The following TASP1 variants were observed in gnomAD, a reference collection of about 807,000 sequenced individuals.
TASP1 encodes the protein taspase 1.
TASP1 carries 16 observed loss-of-function variants against 56.6 expected under a neutral mutation model. The observed-to-expected ratio is 0.28, with a 90% CI of 0.19 to 0.43. TASP1 has a LOEUF of 0.43. Ranked by LOEUF, TASP1 falls within the 20% of genes least tolerant of loss-of-function variation. TASP1 has a pLI of 1.00. For synonymous variants in TASP1, 179 were observed against 184.2 expected (o/e 0.97, Z 0.23); for missense variants, 393 against 511.6 (o/e 0.77, Z 2.24).
chr20:13,621,152 G>A (rs1413769667), intron 4 of TASP1, among the ~76,000 whole-genome samples: 3 of 152,080 alleles, frequency 2.0e-5, no homozygotes, highest in Non-Finnish European at 2.9e-5. Context: ...GGCCAGGCAC[G>A]GTGGCTCATG....
the TASP1 span, among the ~76,000 whole-genome samples, chr20:13,221,023 C>G: frequency 6.6e-6 from 1 of 152,126 alleles, no homozygotes; most frequent in Admixed American, 6.5e-5. Context: ...ACCGCCAAAC[C>G]GTGACAACCT....
intron 12 of TASP1, among the ~76,000 whole-genome samples, chr20:13,421,222 C>A (rs6042086): frequency 6.6e-6 from 1 of 150,504 alleles, no homozygotes. Context: ...AAGCGATTCT[C>A]GATTCTCCTG....
At chr20:13,534,824 G>A (rs2045353644) in intron 8 of TASP1, among the ~76,000 whole-genome samples, 1 of 152,140 alleles carries the variant, frequency 6.6e-6, no homozygotes, top group African/African-American at 2.4e-5. Flanking sequence ...TACTGACTAT[G>A]AGCCGCTGTC....
At chr20:13,430,239 C>G (rs1219066825) in intron 12 of TASP1, among the ~76,000 whole-genome samples, 1 of 152,208 alleles carries the variant, frequency 6.6e-6, no homozygotes, top group Non-Finnish European at 1.5e-5. Context: ...TATTAGTTAT[C>G]TACTGCTACG....
At chr20:13,471,073 T>C (rs1363898058) in intron 11 of TASP1, among the ~76,000 whole-genome samples, 1 of 152,206 alleles carries the variant, frequency 6.6e-6, no homozygotes, top group Non-Finnish European at 1.5e-5. Flanking sequence ...CTAGAGTTTA[T>C]GCCCTGCTTA....
In TASP1 at chr20:13,519,323, T is replaced by A. The variant is rs1431518090; in HGVS notation, c.874+9110A>T. On this transcript the variant is annotated intron_variant, in intron 10 of 13. Coordinates refer to ENST00000337743, the MANE Select transcript of TASP1 (RefSeq NM_017714.3). Reference sequence around the variant, plus strand: ...AAACCTGCAAATGTACCCATGAATCTACAGTAAAAGTTGAAATTAAAAGAA... The same window carrying A: ...AAACCTGCAAATGTACCCATGAATCAACAGTAAAAGTTGAAATTAAAAGAA... 5.3e-5 allele frequency among the ~76,000 whole-genome samples: 8 copies of A among 152,166 alleles called. No individual in the cohort carries two copies. In the South Asian group the frequency reaches 1.7e-3, roughly 32 times the overall value.
At chr20:13,280,400 C>CT in the TASP1 span, among the ~76,000 whole-genome samples, 34 of 147,718 alleles carry the variant, frequency 2.3e-4, no homozygotes, top group Admixed American at 2.2e-3. Context: ...AACCCCCCCC[C>CT]CCCAATACAT....
At chr20:13,168,571 C>T in the TASP1 span, 1 of 152,194 alleles carries the variant, frequency 6.6e-6, no homozygotes, top group East Asian at 1.9e-4. Context: ...AACAGCTCTT[C>T]AGTAGGGTAA....
chr20:13,359,806 T>C, the TASP1 span, among the ~76,000 whole-genome samples: 172 of 151,820 alleles, frequency 1.1e-3, no homozygotes, highest in African/African-American at 1.5e-3. Flanking sequence ...TTCTTCCCAA[T>C]CCAAAGCCTC....
At chr20:13,626,196 G>A (rs367782348) in intron 2 of TASP1, among the ~76,000 whole-genome samples, 22 of 152,186 alleles carry the variant, frequency 1.4e-4, no homozygotes, top group African/African-American at 4.6e-4. Context: ...AGGCTGAGGC[G>A]GGAGGATCAC....
At chr20:13,457,489 T>TTA (rs2043887848) in intron 11 of TASP1, among the ~76,000 whole-genome samples, 1 of 152,252 alleles carries the variant, frequency 6.6e-6, no homozygotes, top group Non-Finnish European at 1.5e-5. Context: ...TATTGTAGTA[T>TTA]ACTTAAAGGA....
At chr20:13,325,858 G>T in the TASP1 span, among the ~76,000 whole-genome samples, 1 of 152,050 alleles carries the variant, frequency 6.6e-6, no homozygotes, top group African/African-American at 2.4e-5. Context: ...TTTAATCCCA[G>T]CATTTCAAAA....
intron 6 of TASP1, among the ~76,000 whole-genome samples, chr20:13,577,489 C>T (rs6109958): frequency 0.33 from 50,424 of 151,942 alleles, 8,953 homozygotes; most frequent in Non-Finnish European, 0.39. Flanking sequence ...TGTTGAAACC[C>T]TAGCCCTCAG....
intron 10 of TASP1, among the ~76,000 whole-genome samples, chr20:13,499,463 TAA>T (rs61471647): frequency 7.0e-6 from 1 of 142,620 alleles, no homozygotes; most frequent in African/African-American, 2.6e-5. Context: ...GAAATCTCTT[TAA>T]AAAAAAAAAA....
At chr20:13,180,680 C>T in the TASP1 span, among the ~76,000 whole-genome samples, 1 of 152,150 alleles carries the variant, frequency 6.6e-6, no homozygotes, top group Non-Finnish European at 1.5e-5. Context: ...AGGCATAAAT[C>T]GCCAGGCCGT....
At chr20:13,272,584 T>C in the TASP1 span, among the ~76,000 whole-genome samples, 1 of 152,096 alleles carries the variant, frequency 6.6e-6, no homozygotes, top group Non-Finnish European at 1.5e-5. Flanking sequence ...GTGACAAATA[T>C]TTTGGAGGTC....
At chr20:13,247,557 T>TGTGTAG in the TASP1 span, among the ~76,000 whole-genome samples, 2 of 146,924 alleles carry the variant, frequency 1.4e-5, no homozygotes, top group African/African-American at 5.2e-5. Context: ...TGTGTGTGTG[T>TGTGTAG]GTAGGTAGGT....
the TASP1 span, among the ~76,000 whole-genome samples, chr20:13,357,227 T>C: frequency 6.8e-6 from 1 of 147,122 alleles, no homozygotes; most frequent in African/African-American, 2.7e-5. Flanking sequence ...GATTAGACCA[T>C]TGGGGCTGAG....
chr20:13,403,701 G>C (rs530964625), intron 13 of TASP1, among the ~76,000 whole-genome samples: 1 of 152,192 alleles, frequency 6.6e-6, no homozygotes, highest in South Asian at 2.1e-4. Flanking sequence ...GGGGAACATA[G>C]CAAGACCCTG....
Sources: allele counts gnomAD v4.1 joint callset (sites outside exome capture counted in the v4.1 genomes callset), GRCh38; gene constraint gnomAD v4.1.1; transcripts MANE v1.5; gene names NCBI Gene and HGNC (gene_info 2026-07-23, HGNC 2026-07-21).